Variants in TMEM126A observed in about 807,000 individuals in gnomAD.
The protein encoded by TMEM126A is transmembrane protein 126A.
In TMEM126A, 10 loss-of-function variants were observed where a neutral mutation model predicts 18.3. The observed-to-expected ratio is 0.55, with a 90% CI of 0.34 to 0.93. TMEM126A has a LOEUF of 0.93. Ranked by LOEUF, TMEM126A falls within the 40% of genes least tolerant of loss-of-function variation. The pLI is 0.02. For synonymous variants in TMEM126A, 68 were observed against 78.1 expected (o/e 0.87, Z 0.68); for missense variants, 246 against 230.2 (o/e 1.07, Z -0.44).
chr11:85,656,326 T>TA lies in TMEM126A; in HGVS notation c.414dup (p.Pro139ThrfsTer12), dbSNP rs757530851. 2 of 1,611,724 alleles carry TA rather than the reference T, an allele frequency of 1.2e-6. No individual in the cohort carries two copies. Among genetic ancestry groups the TA allele is most frequent in the South Asian group, 1.1e-5 (1 of 90,994 alleles). ...TCTTACAGGTATCAATCAGCTCTGT[T>TA]ACCACACAAAGGGAACATCTTAAGT... On this transcript the variant is annotated frameshift_variant, in exon 5 of 5. Coordinates refer to ENST00000304511, the MANE Select transcript of TMEM126A (RefSeq NM_032273.4). LOFTEE classifies it high-confidence loss of function.
At position 85,656,422 on chromosome 11, in the gene TMEM126A, C is replaced by A; in HGVS notation, c.509C>A (p.Ser170Ter). Reference sequence around the variant, plus strand: ...CCTATTTTGCTCCAGACTATGTTTTCAGCATACCTTGGGTCTGAACAATAT... The same window carrying A: ...CCTATTTTGCTCCAGACTATGTTTTAAGCATACCTTGGGTCTGAACAATAT... The part of the protein sequence containing the change: ...LFPILLQTMF[S>*]AYLGSEQYKL... The change falls in exon 5 of 5, where the codon TCA (serine) becomes TAA (stop). Residue 170 changes from serine to a stop codon, truncating the protein, a stop_gained. Coordinates refer to ENST00000304511, the MANE Select transcript of TMEM126A (RefSeq NM_032273.4). LOFTEE classifies it high-confidence loss of function. The A allele has an allele frequency of 6.2e-7, 1 of 1,613,338 alleles. No homozygotes were observed. Among genetic ancestry groups the A allele is most frequent in the South Asian group, 1.1e-5 (1 of 91,052 alleles).
In TMEM126A at chr11:85,648,892, T is replaced by G. The variant is rs570443698; in HGVS notation, c.-8+803T>G. On this transcript the variant is annotated intron_variant, in intron 1 of 4. Coordinates refer to ENST00000304511, the MANE Select transcript of TMEM126A (RefSeq NM_032273.4). ...TAATGTTGTAGGAAATGAGAAAATC[T>G]GGTTTCATAAAAGCATGTTTTCCTT... 5.9e-5 allele frequency among the ~76,000 whole-genome samples: 9 copies of G among 152,060 alleles called. No individual in the cohort carries two copies. The East Asian group carries it at 9.7e-4, about 16-fold the overall frequency.
At chr11:85,649,119 G>A (rs1476246532) in intron 1 of TMEM126A, among the ~76,000 whole-genome samples, 1 of 152,176 alleles carries the variant, frequency 6.6e-6, no homozygotes, top group African/African-American at 2.4e-5. Context: ...ATTTTTAAAA[G>A]ACAGGGAGTT....
Position 85,654,106 on chromosome 11 carries a change from GCT to G in TMEM126A, c.133_134del (p.Cys46TrpfsTer49), listed in dbSNP as rs1565800345. ...ATCGGTTTATGTTGGATTAAATGCTGCTCTTTGTGGCCTCATAGCAAACAGTC... is the reference window on the plus strand; with the variant it reads ...ATCGGTTTATGTTGGATTAAATGCTGCTTTGTGGCCTCATAGCAAACAGTC... ...NGSVYVGLNAALCGLIANSLF... is the reference protein window; with the variant it reads ...NGSVYVGLNAXLCGLIANSLF... On this transcript the variant is annotated frameshift_variant, in exon 3 of 5. Transcript: ENST00000304511. LOFTEE classifies it high-confidence loss of function. The G allele has an allele frequency of 6.2e-7, 1 of 1,614,178 alleles. No individual in the cohort carries two copies. The highest frequency in any genetic ancestry group is 1.1e-5 in the South Asian group (1 of 91,084).
chr11:85,652,503 G>A (rs746343057), intron 2 of TMEM126A, among the ~76,000 whole-genome samples: 68 of 152,064 alleles, frequency 4.5e-4, no homozygotes, highest in Non-Finnish European at 6.8e-4. Context: ...ATACTTTCAC[G>A]TACATGTTTG....
At chr11:85,651,069 C>CAA (rs3068382) in intron 2 of TMEM126A, among the ~76,000 whole-genome samples, 1,487 of 78,046 alleles carry the variant, frequency 0.019, 89 homozygotes, top group African/African-American at 0.036. Flanking sequence ...GGATCCGTCT[C>CAA]AAAAAAAAAA....
chr11:85,655,527 T>C, intron 3 of TMEM126A, 67 bp from the exon 4 acceptor site: 2 of 1,166,642 alleles, frequency 1.7e-6, no homozygotes, highest in Non-Finnish European at 2.6e-6. Context: ...AAGAGGATCT[T>C]ACATTCTTTA....
At chr11:85,655,281 A>T (rs936197267) in intron 3 of TMEM126A, 1 of 286,310 alleles carries the variant, frequency 3.5e-6, no homozygotes, top group African/African-American at 2.3e-5. Flanking sequence ...GAACAGACTG[A>T]GTGAAAATAT....
At position 85,655,668 on chromosome 11, in the gene TMEM126A, G is replaced by A; in HGVS notation, c.355G>A (p.Val119Ile). The A allele has an allele frequency of 6.2e-7, 1 of 1,613,620 alleles. No individual in the cohort carries two copies. Among genetic ancestry groups the A allele is most frequent in the South Asian group, 1.1e-5 (1 of 91,080 alleles). ...TCTTGTTATTGGTGGTCTATACCCT[G>A]TTTTCTTGGCTATACCTGTAAATGG... ...TGLVIGGLYP[V>I]FLAIPVNGGL... Residue 119 changes from valine (V) to isoleucine (I), a missense_variant, in exon 4 of 5, where the codon GTT (valine) becomes ATT (isoleucine). By Grantham distance (29) the Val-to-Ile change is conservative. Transcript: ENST00000304511.
chr11:85,649,355 C>A (rs2082483280), intron 1 of TMEM126A, among the ~76,000 whole-genome samples: 1 of 152,222 alleles, frequency 6.6e-6, no homozygotes. Flanking sequence ...AGGCCATATG[C>A]AGCCTATAGC....
At chr11:85,650,997 A>G (rs1465996984) in intron 2 of TMEM126A, among the ~76,000 whole-genome samples, 1 of 126,914 alleles carries the variant, frequency 7.9e-6, no homozygotes, top group Non-Finnish European at 1.6e-5. Flanking sequence ...TGAACCAGGG[A>G]GGCGGAGGTT....
At chr11:85,650,415 A>G in intron 2 of TMEM126A, 74 bp downstream of exon 2, 1 of 1,126,974 alleles carries the variant, frequency 8.9e-7, no homozygotes, top group Non-Finnish European at 1.3e-6. Context: ...TCTCAAGTTT[A>G]TCTGGTTTGA....
chr11:85,650,147 A>AT (rs2082488103), intron 1 of TMEM126A, 102 bp from the exon 2 acceptor site: 4 of 713,780 alleles, frequency 5.6e-6, no homozygotes, highest in Non-Finnish European at 6.9e-6. Flanking sequence ...GTATGCAATG[A>AT]TTTTTTTCAG....
rs1303309350 is a variant in TMEM126A at position 85,655,690 on chromosome 11, A to C, written c.377A>C (p.Asn126Thr). Residue 126 changes from asparagine to threonine, a missense_variant, in exon 4 of 5, where the codon AAT becomes ACT. Asn to Thr is a moderately conservative substitution (Grantham distance 65, BLOSUM62 0). Coordinates refer to ENST00000304511, the MANE Select transcript of TMEM126A (RefSeq NM_032273.4). ...CCTGTTTTCTTGGCTATACCTGTAAATGGTGGTCTAGCAGCCAGGTAGGAA... is the reference window on the plus strand; with the variant it reads ...CCTGTTTTCTTGGCTATACCTGTAACTGGTGGTCTAGCAGCCAGGTAGGAA... ...LYPVFLAIPV[N>T]GGLAARYQSA... is the part of the protein sequence containing the mutation. 1 of 1,613,052 alleles carries C rather than the reference A, an allele frequency of 6.2e-7. No individual in the cohort carries two copies. Among genetic ancestry groups the C allele is most frequent in the South Asian group, 1.1e-5 (1 of 91,068 alleles).
intron 1 of TMEM126A, among the ~76,000 whole-genome samples, chr11:85,648,432 T>A (rs1176679113): frequency 1.3e-5 from 2 of 152,110 alleles, no homozygotes; most frequent in Non-Finnish European, 2.9e-5. Context: ...AAGAATGACA[T>A]GAGATAGGTA....
chr11:85,656,359 T>C lies in TMEM126A; in HGVS notation c.446T>C (p.Ile149Thr). ...PHKGNILSYW[I>T]RTSKPVFRKM... ...AAAGGGAACATCTTAAGTTACTGGA[T>C]TAGAACTTCTAAGCCTGTCTTTAGA... The change falls in exon 5 of 5, where the codon ATT becomes ACT. Residue 149 changes from isoleucine (I) to threonine (T), a missense_variant. Physicochemically the swap from Ile to Thr is moderately conservative, Grantham distance 89 (BLOSUM62 -1). Transcript: ENST00000304511. The C allele has an allele frequency of 6.2e-7, 1 of 1,612,800 alleles. No homozygotes were observed. The highest frequency in any genetic ancestry group is 8.5e-7 in the Non-Finnish European group (1 of 1,179,600).
chr11:85,655,401 A>G (rs1565800926), intron 3 of TMEM126A, 193 bp from the exon 4 acceptor site: 7 of 531,228 alleles, frequency 1.3e-5, no homozygotes, highest in Non-Finnish European at 2.4e-5. Flanking sequence ...TTCCTAAAAT[A>G]GTTTTACCAA....
intron 2 of TMEM126A, among the ~76,000 whole-genome samples, chr11:85,653,434 A>G (rs1468378125): frequency 6.6e-6 from 1 of 152,234 alleles, no homozygotes; most frequent in African/African-American, 2.4e-5. Context: ...TAGTCTGAAA[A>G]GTTTGGAGTC....
At chr11:85,654,711 T>A (rs144661193) in intron 3 of TMEM126A, among the ~76,000 whole-genome samples, 1,831 of 152,180 alleles carry the variant, frequency 0.012, 25 homozygotes, top group Middle Eastern at 0.044. Context: ...CCTTGTCTTC[T>A]CAAAGTGCTG....
Sources: gnomAD v4.1 joint callset for allele counts (sites outside exome capture counted in the v4.1 genomes callset) on GRCh38, gnomAD v4.1.1 for gene constraint, MANE v1.5 for transcripts, NCBI Gene and HGNC (gene_info 2026-07-23, HGNC 2026-07-21) for gene names.